KCND2: variants seen among roughly 807,000 people sequenced by gnomAD.
KCND2 encodes the protein A-type voltage-gated potassium channel KCND2.
In KCND2, 16 loss-of-function variants were observed where a neutral mutation model predicts 54.4. The ratio of observed to expected loss-of-function variants is 0.29; its 90% confidence interval spans 0.20 to 0.45. The LOEUF (loss-of-function observed/expected upper bound fraction) is 0.45. Among genes scored for constraint, KCND2 ranks in the 20% least tolerant of loss-of-function variants. The probability of loss-of-function intolerance (pLI) is 1.00; values close to 1 mark genes in which losing one functional copy is unlikely to be tolerated. For synonymous variants in KCND2, 317 were observed against 310.7 expected, an observed-to-expected ratio of 1.02 and a Z score of -0.21; for missense variants, 486 against 824.2, an observed-to-expected ratio of 0.59 and a Z score of 5.02.
At chr7:120,612,819 C>T (rs914648239) in intron 1 of KCND2, among the ~76,000 whole-genome samples, 22 of 152,148 alleles carry the variant, frequency 1.4e-4, no homozygotes, top group African/African-American at 5.1e-4. Context: ...ACGTGAGTCT[C>T]ATACAGTTAC....
At chr7:120,518,776 G>T (rs968845232) in intron 1 of KCND2, among the ~76,000 whole-genome samples, 2 of 152,044 alleles carry the variant, frequency 1.3e-5, no homozygotes, top group Admixed American at 1.3e-4. Context: ...TTTAATACCC[G>T]GAACTTGTGG....
At chr7:120,308,740 CTAAAA>C (rs1042651410) in intron 1 of KCND2, among the ~76,000 whole-genome samples, 4 of 152,090 alleles carry the variant, frequency 2.6e-5, no homozygotes, top group Non-Finnish European at 2.9e-5. Flanking sequence ...GTGGGTATAT[CTAAAA>C]TAAATTTTGT....
chr7:120,351,365 TAC>T (rs59756091), intron 1 of KCND2, among the ~76,000 whole-genome samples: 38,455 of 94,146 alleles, frequency 0.41, 8,458 homozygotes, highest in Non-Finnish European at 0.53. Flanking sequence ...TCGAAGAGCA[TAC>T]ACACACACAC....
chr7:120,727,294 C>A (rs1792745655), intron 1 of KCND2, among the ~76,000 whole-genome samples: 1 of 151,988 alleles, frequency 6.6e-6, no homozygotes, highest in South Asian at 2.1e-4. Context: ...TGAAGAAATA[C>A]TAAACAGGGA....
rs1792827325 is a variant in KCND2, at chr7:120,733,073, T to A, written c.1278+8T>A. The A allele has an allele frequency of 6.2e-7, 1 of 1,613,148 alleles. No individual in the cohort carries two copies. Among genetic ancestry groups the A allele is most frequent in the Admixed American group, 1.7e-5 (1 of 59,922 alleles). Reference sequence around the variant, plus strand: ...AAACGAAGGGCACAAAAGGTGCGTATTCAACTCCGTGCAACCATGGTTTAG... The same window carrying A: ...AAACGAAGGGCACAAAAGGTGCGTAATCAACTCCGTGCAACCATGGTTTAG... On this transcript the variant is annotated splice_region_variant and intron_variant, in intron 2 of 5. Coordinates refer to ENST00000331113, the MANE Select transcript of KCND2 (RefSeq NM_012281.3).
intron 1 of KCND2, among the ~76,000 whole-genome samples, chr7:120,718,334 G>A (rs1021452867): frequency 6.6e-6 from 1 of 151,966 alleles, no homozygotes; most frequent in East Asian, 1.9e-4. Context: ...AACTACATAC[G>A]GCCCACAGGT....
At chr7:120,689,889 C>A (rs1792248631) in intron 1 of KCND2, among the ~76,000 whole-genome samples, 1 of 152,184 alleles carries the variant, frequency 6.6e-6, no homozygotes. Context: ...GCTTCTCATT[C>A]CTCTCTATCA....
At chr7:120,414,798 A>T (rs1801502100) in intron 1 of KCND2, among the ~76,000 whole-genome samples, 1 of 152,074 alleles carries the variant, frequency 6.6e-6, no homozygotes, top group Admixed American at 6.6e-5. Context: ...ACATTTAATT[A>T]TTCTTCCACT....
chr7:120,519,268 G>A lies in KCND2; in HGVS notation c.1116-213635G>A, dbSNP rs527396600. ...AGGTAGGAGAATCGCTTGAACCCAC[G>A]AGACTGAGGCTGAGGTTGCAGTGAG... On this transcript the variant is annotated intron_variant, in intron 1 of 5. Transcript: ENST00000331113. Among the ~76,000 whole-genome samples, 6 of 152,176 alleles carry A rather than the reference G, an allele frequency of 3.9e-5. No homozygotes were observed. In the South Asian group the frequency reaches 1.0e-3, roughly 26 times the overall value.
chr7:120,455,532 C>T (rs1229640986), intron 1 of KCND2, among the ~76,000 whole-genome samples: 1 of 152,140 alleles, frequency 6.6e-6, no homozygotes, highest in Admixed American at 6.5e-5. Context: ...CACCTGCACA[C>T]ATATCTTCAT....
At chr7:120,652,440 C>T (rs567116001) in intron 1 of KCND2, among the ~76,000 whole-genome samples, 1 of 152,272 alleles carries the variant, frequency 6.6e-6, no homozygotes, top group East Asian at 1.9e-4. Context: ...TGGAGAGACA[C>T]AGTGATTCTC....
chr7:120,321,392 C>T (rs933207693), intron 1 of KCND2, among the ~76,000 whole-genome samples: 2 of 152,100 alleles, frequency 1.3e-5, no homozygotes, highest in Non-Finnish European at 2.9e-5. Context: ...CCTCAGCCTC[C>T]CAAAGCTTCA....
intron 1 of KCND2, among the ~76,000 whole-genome samples, chr7:120,443,829 T>C (rs1227850618): frequency 1.3e-5 from 2 of 152,092 alleles, no homozygotes; most frequent in Admixed American, 6.6e-5. Context: ...GTGTCACTAA[T>C]TACAGAATTA....
chr7:120,364,981 T>C (rs1800645843), intron 1 of KCND2, among the ~76,000 whole-genome samples: 1 of 151,970 alleles, frequency 6.6e-6, no homozygotes, highest in African/African-American at 2.4e-5. Flanking sequence ...AGAAAAGTTA[T>C]CCATTGTAAA....
At chr7:120,404,242 T>C (rs910826288) in intron 1 of KCND2, among the ~76,000 whole-genome samples, 1 of 152,122 alleles carries the variant, frequency 6.6e-6, no homozygotes, top group African/African-American at 2.4e-5. Context: ...ATCAACATGG[T>C]TTAATAATGA....
chr7:120,461,131 C>T (rs7357187), intron 1 of KCND2, among the ~76,000 whole-genome samples: 9,314 of 152,112 alleles, frequency 0.061, 874 homozygotes, highest in African/African-American at 0.21. Flanking sequence ...TCCTTGGTTG[C>T]CACTGTGTTG....
At chr7:120,631,122 T>A (rs1793228461) in intron 1 of KCND2, among the ~76,000 whole-genome samples, 1 of 152,160 alleles carries the variant, frequency 6.6e-6, no homozygotes, top group South Asian at 2.1e-4. Flanking sequence ...TTTTCTTGCA[T>A]TCACGTGGCA....
intron 1 of KCND2, among the ~76,000 whole-genome samples, chr7:120,457,314 C>T (rs1476697750): frequency 6.6e-6 from 1 of 152,196 alleles, no homozygotes; most frequent in Non-Finnish European, 1.5e-5. Flanking sequence ...TGAATTTCTT[C>T]CCAGAAAATG....
intron 1 of KCND2, among the ~76,000 whole-genome samples, chr7:120,661,505 C>A (rs1791865525): frequency 6.6e-6 from 1 of 152,080 alleles, no homozygotes; most frequent in Non-Finnish European, 1.5e-5. Context: ...AAAAAATTAG[C>A]CAGGCATGGT....
Sources: gnomAD v4.1 joint callset for allele counts (sites outside exome capture counted in the v4.1 genomes callset) on GRCh38, gnomAD v4.1.1 for gene constraint, MANE v1.5 for transcripts, NCBI Gene and HGNC (gene_info 2026-07-23, HGNC 2026-07-21) for gene names.